ITGA6: variants seen among roughly 807,000 people sequenced by gnomAD.
The protein encoded by ITGA6 is integrin alpha-6.
In ITGA6, 63 loss-of-function variants were observed where a neutral mutation model predicts 133.6. The ratio of observed to expected loss-of-function variants is 0.47; its 90% CI spans 0.38 to 0.58. The LOEUF (loss-of-function observed/expected upper bound fraction) is 0.58, where lower values mean the gene tolerates loss of function less well. Among genes scored for constraint, ITGA6 ranks in the 20% least tolerant of loss-of-function variants. The pLI is 0.00. For synonymous variants in ITGA6, 434 were observed against 482.0 expected (o/e 0.90, Z 1.30); for missense variants, 1,068 against 1,309.4 (o/e 0.82, Z 2.85).
chr2:172,486,130 G>GCAC (rs1399137504), intron 13 of ITGA6, among the ~76,000 whole-genome samples: 1 of 132,978 alleles, frequency 7.5e-6, no homozygotes, highest in Non-Finnish European at 1.5e-5. Context: ...AGCCGAGATG[G>GCAC]CACCACTGCA....
At chr2:172,427,398 A>C (rs1683881265), upstream of ITGA6, 1 of 1,017,982 alleles carries the variant, frequency 9.8e-7, no homozygotes, top group Non-Finnish European at 1.2e-6. Flanking sequence ...CTTCGCCGCG[A>C]GCTCGCCTCC....
Position 172,491,890 on chromosome 2 carries a change from A to C in ITGA6, c.2988+367A>C, listed in dbSNP as rs1210236383. Among the ~76,000 whole-genome samples, 1 of 152,184 alleles carries C rather than the reference A, an allele frequency of 6.6e-6. No homozygotes were observed. Among genetic ancestry groups the C allele is most frequent in the Non-Finnish European group, 1.5e-5 (1 of 68,018 alleles). On this transcript the variant is annotated intron_variant, in intron 23 of 25. Transcript: ENST00000684293. The surrounding 1 kb of genome is among the most constrained non-coding windows in gnomAD (Gnocchi z 4.4). ...CTTGGCCAGCTGTAATTATTAAAAA[A>C]GATCTCTTCATAGCTGACTCCTGAA... is the stretch of plus-strand genomic sequence containing the variant.
At chr2:172,452,014 T>TTTTTTTTTTTTTTTTTTTTTGAGACGGA (rs1553529770) in intron 1 of ITGA6, among the ~76,000 whole-genome samples, 5 of 150,940 alleles carry the variant, frequency 3.3e-5, no homozygotes, top group African/African-American at 9.8e-5. Context: ...ATTTTTACTT[T>TTTTTTTTTTTTTTTTTTTTTGAGACGGA]GGTAATTTTA....
At chr2:172,496,787 T>G (rs190819153) in intron 23 of ITGA6, among the ~76,000 whole-genome samples, 7 of 152,344 alleles carry the variant, frequency 4.6e-5, no homozygotes, top group South Asian at 2.1e-4. Context: ...GTTCCTGGTA[T>G]CACAAAAGTT....
At chr2:172,455,904 G>T (rs1382457663) in intron 1 of ITGA6, among the ~76,000 whole-genome samples, 5 of 152,222 alleles carry the variant, frequency 3.3e-5, no homozygotes, top group Admixed American at 3.3e-4. Context: ...TGTTTAAAGG[G>T]AGAAGAGTTT....
At chr2:172,441,597 C>CAAAAAAAAAA (rs1684547284) in intron 1 of ITGA6, among the ~76,000 whole-genome samples, 6 of 94,176 alleles carry the variant, frequency 6.4e-5, no homozygotes, top group African/African-American at 1.8e-4. Flanking sequence ...AAAAAAAAAT[C>CAAAAAAAAAA]AAACCTCAGT....
chr2:172,479,698 C>A lies in ITGA6; in HGVS notation c.1446C>A (p.Asp482Glu), dbSNP rs1371760807. 33 of 1,613,924 alleles carry A rather than the reference C, an allele frequency of 2.0e-5. No individual in the cohort carries two copies. Among genetic ancestry groups the A allele is most frequent in the Non-Finnish European group, 2.8e-5 (33 of 1,179,958 alleles). Residue 482 changes from aspartate (D) to glutamate (E), a missense_variant, in exon 10 of 26, where the codon GAC becomes GAA. This residue lies in a region of ITGA6 where 609 missense variants were observed against 707.2 expected (regional missense o/e 0.86). Transcript: ENST00000684293. ...KTITVTPNRI[D>E]LRQKTACGAP... is the part of the protein sequence containing the mutation. ...TCACAGTAACTCCTAACAGAATTGA[C>A]CTCCGCCAGAAAACAGCGTGTGGGG...
At chr2:172,472,624 C>T in intron 5 of ITGA6, 1 of 599,566 alleles carries the variant, frequency 1.7e-6, no homozygotes, top group South Asian at 2.0e-5. Context: ...ACAAAACGAT[C>T]TGCTTGAGGT....
At chr2:172,466,048 G>T in intron 2 of ITGA6, 2 of 329,760 alleles carry the variant, frequency 6.1e-6, no homozygotes, top group Admixed American at 4.5e-5. Context: ...GAGAAAGACA[G>T]TTTTAAATAT....
chr2:172,437,698 C>G (rs890361172), intron 1 of ITGA6, among the ~76,000 whole-genome samples: 6 of 152,074 alleles, frequency 3.9e-5, no homozygotes, highest in Admixed American at 6.5e-5. Context: ...ATTGGTGATG[C>G]AAGTAGAGGA....
At chr2:172,452,987 C>T (rs536064368) in intron 1 of ITGA6, among the ~76,000 whole-genome samples, 1 of 152,262 alleles carries the variant, frequency 6.6e-6, no homozygotes, top group East Asian at 1.9e-4. Flanking sequence ...ATCACTGCCT[C>T]CTTTAATAAG....
intron 1 of ITGA6, among the ~76,000 whole-genome samples, chr2:172,439,607 C>A (rs960571878): frequency 2.0e-5 from 3 of 151,746 alleles, no homozygotes; most frequent in Admixed American, 6.6e-5. Flanking sequence ...AAACACAAGT[C>A]TTCGAAGACA....
In ITGA6 at chr2:172,501,869, C is replaced by T. The variant is rs761414100; in HGVS notation, c.3212C>T (p.Ser1071Phe). 6.2e-7 allele frequency: 1 copy of T among 1,612,020 alleles called. No homozygotes were observed. The highest frequency in any genetic ancestry group is 8.5e-7 in the Non-Finnish European group (1 of 1,179,086). ...AQPSDKERLT[S>F]DA ...CCATCTGATAAAGAGAGGCTTACTT[C>T]TGATGCATAGTATTGATCTACTTCT... Residue 1071 changes from serine (S) to phenylalanine (F), a missense_variant, in exon 25 of 26, where the codon TCT becomes TTT. This residue lies in a region of ITGA6 where 609 missense variants were observed against 707.2 expected (regional missense o/e 0.86). Coordinates refer to ENST00000684293, the MANE Select transcript of ITGA6 (RefSeq NM_000210.4).
At chr2:172,500,512 C>A (rs904133651) in intron 24 of ITGA6, among the ~76,000 whole-genome samples, 1 of 152,154 alleles carries the variant, frequency 6.6e-6, no homozygotes, top group Non-Finnish European at 1.5e-5. Context: ...CACCTGTAGT[C>A]CCAGCTACTA....
At chr2:172,497,710 T>C (rs80263139) in intron 23 of ITGA6, among the ~76,000 whole-genome samples, 1 of 152,000 alleles carries the variant, frequency 6.6e-6, no homozygotes, top group Admixed American at 6.6e-5. Flanking sequence ...TGATAACAAA[T>C]TTTTTTTAAG....
At chr2:172,481,918 C>T (rs960517640) in intron 11 of ITGA6, among the ~76,000 whole-genome samples, 5 of 152,180 alleles carry the variant, frequency 3.3e-5, no homozygotes, top group Non-Finnish European at 5.9e-5. Flanking sequence ...CACTAGCCCA[C>T]TTGGATAATG....
At chr2:172,472,008 G>A (rs1223765988) in intron 5 of ITGA6, among the ~76,000 whole-genome samples, 1 of 152,172 alleles carries the variant, frequency 6.6e-6, no homozygotes, top group Non-Finnish European at 1.5e-5. Context: ...TTCAAGCAAT[G>A]TGCTAGTAAA....
At chr2:172,448,996 G>C (rs1239138489) in intron 1 of ITGA6, among the ~76,000 whole-genome samples, 1 of 152,204 alleles carries the variant, frequency 6.6e-6, no homozygotes, top group African/African-American at 2.4e-5. Context: ...CTTGGTAATT[G>C]ACAGTGTTTA....
At position 172,476,384 on chromosome 2, in the gene ITGA6, G is replaced by T. The variant is rs201149707; in HGVS notation, c.1270-11G>T. The T allele has an allele frequency of 1.0e-5, 14 of 1,378,840 alleles. No homozygotes were observed. Among genetic ancestry groups the T allele is most frequent in the African/African-American group, 1.4e-5 (1 of 70,220 alleles). 85.4% of individuals were successfully genotyped at this position (1,378,840 alleles called of 1,614,324 possible). A position where few individuals can be genotyped will look rare whatever the true frequency, so the allele number is the denominator to read the frequency against. ...AACCTAATGTCCATTCGGATGCCCT[G>T]TGTATTTCAGGTTCTCAAGGGTATA... On this transcript the variant is annotated splice_polypyrimidine_tract_variant and intron_variant, in intron 8 of 25. Coordinates refer to ENST00000684293, the MANE Select transcript of ITGA6 (RefSeq NM_000210.4).
Sources: gnomAD v4.1 joint callset for allele counts (sites outside exome capture counted in the v4.1 genomes callset) on GRCh38, gnomAD v4.1.1 for gene constraint, gnomAD v4.1.1 regional missense constraint, Gnocchi (gnomAD v3.1) non-coding constraint, MANE v1.5 for transcripts, NCBI Gene and HGNC (gene_info 2026-07-23, HGNC 2026-07-21) for gene names.